The following PARD3B variants were observed in gnomAD, a reference collection of about 807,000 sequenced individuals.
The protein encoded by PARD3B is partitioning defective 3 homolog B.
In PARD3B, 103 loss-of-function variants were observed where a neutral mutation model predicts 130.2. The ratio of observed to expected loss-of-function variants is 0.79; its 90% CI spans 0.67 to 0.93. PARD3B has a LOEUF of 0.93. Ranked by LOEUF, PARD3B falls within the 40% of genes least tolerant of loss-of-function variation. The probability of loss-of-function intolerance (pLI) is 0.00; values close to 1 mark genes in which losing one functional copy is unlikely to be tolerated. For synonymous variants in PARD3B, 583 were observed against 553.2 expected (o/e 1.05, Z -0.76); for missense variants, 1,609 against 1,499.2 (o/e 1.07, Z -1.21).
chr2:205,541,539 G>A (rs1179455469), intron 21 of PARD3B, among the ~76,000 whole-genome samples: 1 of 151,970 alleles, frequency 6.6e-6, no homozygotes, highest in Non-Finnish European at 1.5e-5. Flanking sequence ...AGTAGAGACG[G>A]GGTTTTGCCA....
At chr2:205,167,118 G>C (rs946511163) in intron 11 of PARD3B, among the ~76,000 whole-genome samples, 16 of 152,074 alleles carry the variant, frequency 1.1e-4, no homozygotes, top group Admixed American at 1.0e-3. Flanking sequence ...GTTGAGGGGA[G>C]GGTTTAACAA....
In PARD3B at chr2:205,309,005, A is replaced by C. The variant is rs186972801; in HGVS notation, c.2630+7304A>C. On this transcript the variant is annotated intron_variant, in intron 18 of 22. Transcript: ENST00000406610. This position sits in a 1 kb window ranked among gnomAD's most constrained non-coding sequence, Gnocchi z 4.7. ...GCCCAAGCTACACTGAATTTTCAGCAGATACGTTATCAGAATTTAGCACAC... is the reference window on the plus strand; with the variant it reads ...GCCCAAGCTACACTGAATTTTCAGCCGATACGTTATCAGAATTTAGCACAC... 1.2e-4 allele frequency among the ~76,000 whole-genome samples: 18 copies of C among 152,364 alleles called. No homozygotes were observed. The highest frequency in any genetic ancestry group is 4.3e-4 in the African/African-American group (18 of 41,594).
chr2:204,847,994 C>T (rs189851066), intron 2 of PARD3B, among the ~76,000 whole-genome samples: 22 of 152,234 alleles, frequency 1.4e-4, no homozygotes, highest in Admixed American at 1.0e-3. Context: ...CATCTGATCA[C>T]GTAGGTATTC....
At chr2:204,844,225 T>G (rs2044370249) in intron 2 of PARD3B, among the ~76,000 whole-genome samples, 1 of 152,166 alleles carries the variant, frequency 6.6e-6, no homozygotes, top group Admixed American at 6.5e-5. Flanking sequence ...TTATTATTTC[T>G]GTACAAAAGT....
chr2:204,916,159 G>A (rs2047434068), intron 2 of PARD3B, among the ~76,000 whole-genome samples: 1 of 152,200 alleles, frequency 6.6e-6, no homozygotes, highest in Non-Finnish European at 1.5e-5. Flanking sequence ...TATTTTCCAA[G>A]ATAAAAAATT....
At chr2:204,926,296 C>G (rs544105903) in intron 2 of PARD3B, among the ~76,000 whole-genome samples, 7 of 152,234 alleles carry the variant, frequency 4.6e-5, no homozygotes, top group African/African-American at 1.7e-4. Context: ...ATCTCTTGAT[C>G]TTGAGTGGTG....
At chr2:204,870,504 G>A (rs2045591962) in intron 2 of PARD3B, among the ~76,000 whole-genome samples, 1 of 152,126 alleles carries the variant, frequency 6.6e-6, no homozygotes, top group African/African-American at 2.4e-5. Context: ...AGGTGGTCAT[G>A]TCTCTATCTC....
chr2:204,802,100 G>A (rs745868308), intron 2 of PARD3B, among the ~76,000 whole-genome samples: 3 of 152,022 alleles, frequency 2.0e-5, no homozygotes, highest in Admixed American at 6.6e-5. Context: ...TGCTGGATTC[G>A]TTTTGCCTGT....
At chr2:205,224,908 A>G (rs2038460784) in intron 15 of PARD3B, among the ~76,000 whole-genome samples, 1 of 152,050 alleles carries the variant, frequency 6.6e-6, no homozygotes, top group Non-Finnish European at 1.5e-5. Flanking sequence ...TTTATCTTCC[A>G]TAACCATATT....
In PARD3B at chr2:205,229,905, ACT is replaced by A. The variant is rs1018931856; in HGVS notation, c.2141-15867_2141-15866del. ...TCCCTCTTCTTTCCACAAGCAGAGG[ACT>A]CTCTCCCCACAGCCACCACCACCAC... On this transcript the variant is annotated intron_variant, in intron 15 of 22. Transcript: ENST00000406610. The surrounding 1 kb of genome is among the most constrained non-coding windows in gnomAD (Gnocchi z 5.2). 6.0e-5 allele frequency among the ~76,000 whole-genome samples: 9 copies of A among 150,456 alleles called. No homozygotes were observed. Among genetic ancestry groups the A allele is most frequent in the Non-Finnish European group, 1.0e-4 (7 of 67,686 alleles).
chr2:205,264,686 G>A (rs1268252758), intron 16 of PARD3B, among the ~76,000 whole-genome samples: 1 of 150,734 alleles, frequency 6.6e-6, no homozygotes, highest in Non-Finnish European at 1.5e-5. Flanking sequence ...TGTCTGTTTT[G>A]ATCAACTGAC....
chr2:205,243,654 T>C (rs2039452365), intron 15 of PARD3B, among the ~76,000 whole-genome samples: 1 of 152,172 alleles, frequency 6.6e-6, no homozygotes, highest in Admixed American at 6.6e-5. Context: ...ATATAGTTAG[T>C]TGCGTTGTCT....
intron 18 of PARD3B, among the ~76,000 whole-genome samples, chr2:205,360,697 C>T (rs923494425): frequency 6.6e-6 from 1 of 152,164 alleles, no homozygotes; most frequent in Non-Finnish European, 1.5e-5. Context: ...TGGGGCTGAA[C>T]TGCCCAGGTC....
rs148639840 is a variant in PARD3B at position 205,382,722 on chromosome 2, T to C, written c.2631-18291T>C. 4.3e-4 allele frequency among the ~76,000 whole-genome samples: 66 copies of C among 152,134 alleles called. 1 individual carries two copies. In the East Asian group the frequency reaches 0.01, roughly 24 times the overall value. ...TTTCTCCCACCACTAATGTCTCTAT[T>C]CGCTTAGTTATGTCATTATGAGATT... On this transcript the variant is annotated intron_variant, in intron 18 of 22. Transcript: ENST00000406610.
At position 205,321,873 on chromosome 2, in the gene PARD3B, A is replaced by G. The variant is rs1374592469; in HGVS notation, c.2630+20172A>G. Among the ~76,000 whole-genome samples, 1 of 152,248 alleles carries G rather than the reference A, an allele frequency of 6.6e-6. No homozygotes were observed. The highest frequency in any genetic ancestry group is 1.9e-4 in the East Asian group (1 of 5,194). ...CTTTGACAATTAATGAAACTTCAGA[A>G]GTAAACCTCTGTAAATAGGTGCAAA... On this transcript the variant is annotated intron_variant, in intron 18 of 22. Transcript: ENST00000406610. The surrounding 1 kb of genome is among the most constrained non-coding windows in gnomAD (Gnocchi z 4.2).
At chr2:205,151,420 G>A (rs1223967138) in intron 10 of PARD3B, among the ~76,000 whole-genome samples, 1 of 152,132 alleles carries the variant, frequency 6.6e-6, no homozygotes, top group Non-Finnish European at 1.5e-5. Flanking sequence ...GGTCCCTAAG[G>A]ACTTGCTTTA....
In PARD3B at chr2:204,746,047, T is replaced by C. The variant is rs1181849900; in HGVS notation, c.222+59765T>C. 4.6e-5 allele frequency among the ~76,000 whole-genome samples: 7 copies of C among 151,352 alleles called. No individual in the cohort carries two copies. The South Asian group carries it at 6.3e-4, about 14-fold the overall frequency. ...GTACAACGTGCAGGTTTGTTACATATGTATACATGTGCCATGTTGGTGTGC... is the reference window on the plus strand; with the variant it reads ...GTACAACGTGCAGGTTTGTTACATACGTATACATGTGCCATGTTGGTGTGC... On this transcript the variant is annotated intron_variant, in intron 2 of 22. Transcript: ENST00000406610.
intron 1 of PARD3B, among the ~76,000 whole-genome samples, chr2:204,643,746 T>G (rs985487161): frequency 1.3e-5 from 2 of 152,098 alleles, no homozygotes; most frequent in South Asian, 4.1e-4. Flanking sequence ...ACCCCTCTTA[T>G]AAAGGATACT....
intron 2 of PARD3B, among the ~76,000 whole-genome samples, chr2:204,688,386 T>G (rs1167382922): frequency 6.6e-6 from 1 of 152,028 alleles, no homozygotes; most frequent in Admixed American, 6.6e-5. Flanking sequence ...AGGATCATCC[T>G]GGCTAACACA....
Sources: gnomAD v4.1 joint callset for allele counts (sites outside exome capture counted in the v4.1 genomes callset) on GRCh38, gnomAD v4.1.1 for gene constraint, Gnocchi (gnomAD v3.1) non-coding constraint, MANE v1.5 for transcripts, NCBI Gene and HGNC (gene_info 2026-07-23, HGNC 2026-07-21) for gene names.